The following ZFYVE16 variants were observed in gnomAD, a reference collection of about 807,000 sequenced individuals.
ZFYVE16 encodes the protein zinc finger FYVE-type containing 16, also known as zinc finger FYVE domain-containing protein 16.
In ZFYVE16, 89 loss-of-function variants were observed where a neutral mutation model predicts 138.1. The observed-to-expected ratio is 0.64, with a 90% CI of 0.54 to 0.77. ZFYVE16 has a LOEUF of 0.77. ZFYVE16 is among the 30% of genes least tolerant of loss of function. The pLI is 0.00. For synonymous variants in ZFYVE16, 596 were observed against 618.3 expected, an observed-to-expected ratio of 0.96 and a Z score of 0.53; for missense variants, 1,793 against 1,786.7, an observed-to-expected ratio of 1.00 and a Z score of -0.06.
In ZFYVE16 at chr5:80,478,162, A is replaced by G. The variant is rs577748459; in HGVS notation, c.*785A>G. On this transcript the variant is annotated 3_prime_UTR_variant, in exon 19 of 19. Transcript: ENST00000505560. ...AGGTAATATTTTTGTATCACAATGCATTATTTTTTTCCTCCTTTCCTTCCA... is the reference window on the plus strand; with the variant it reads ...AGGTAATATTTTTGTATCACAATGCGTTATTTTTTTCCTCCTTTCCTTCCA... The G allele has an allele frequency of 7.2e-5, 11 of 152,108 alleles. No homozygotes were observed. In the South Asian group the frequency reaches 2.3e-3, roughly 32 times the overall value. 9.4% of individuals were successfully genotyped at this position (152,108 alleles called of 1,614,324 possible).
intron 1 of ZFYVE16, among the ~76,000 whole-genome samples, chr5:80,408,481 G>A (rs1049214829): frequency 6.6e-6 from 1 of 150,402 alleles, no homozygotes; most frequent in East Asian, 1.9e-4. Flanking sequence ...CCCAGCGGAC[G>A]GAGGGAGAAG....
chr5:80,442,737 T>C (rs1010252075), intron 5 of ZFYVE16, among the ~76,000 whole-genome samples: 8 of 152,148 alleles, frequency 5.3e-5, no homozygotes, highest in African/African-American at 1.9e-4. Flanking sequence ...TAGGTAGCCA[T>C]TAAAGGATTT....
At chr5:80,443,395 G>A (rs1303018268) in intron 6 of ZFYVE16, 111 bp downstream of exon 6, 6 of 1,254,042 alleles carry the variant, frequency 4.8e-6, no homozygotes, top group Non-Finnish European at 4.4e-6. Flanking sequence ...TATCAAGAGA[G>A]ATTTAATACA....
chr5:80,440,814 A>C (rs1750629160), intron 5 of ZFYVE16: 2 of 985,076 alleles, frequency 2.0e-6, no homozygotes, highest in African/African-American at 3.5e-5. Context: ...TTTTTTGACC[A>C]GACCTGTGCA....
chr5:80,458,209 C>T (rs1403214068), intron 14 of ZFYVE16, among the ~76,000 whole-genome samples: 2 of 151,794 alleles, frequency 1.3e-5, no homozygotes, highest in Non-Finnish European at 2.9e-5. Context: ...GGCATTTTTG[C>T]CACTAAAATT....
Position 80,438,752 on chromosome 5 carries a change from T to C in ZFYVE16, c.2067T>C (p.Cys689=). Reference sequence around the variant, plus strand: ...CAGATACCGTTGTTCCAATCACTTGTGCTATAGATTCTACAGCTGATCCAC... The same window carrying C: ...CAGATACCGTTGTTCCAATCACTTGCGCTATAGATTCTACAGCTGATCCAC... ...STADTVVPIT[C]AIDSTADPQV... Residue 689 remains cysteine, a synonymous_variant, in exon 4 of 19, where the codon TGT becomes TGC. Coordinates refer to ENST00000505560, the MANE Select transcript of ZFYVE16 (RefSeq NM_001284236.3). The C allele has an allele frequency of 6.2e-7, 1 of 1,614,144 alleles. No individual in the cohort carries two copies. Among genetic ancestry groups the C allele is most frequent in the Non-Finnish European group, 8.5e-7 (1 of 1,179,982 alleles).
intron 14 of ZFYVE16, 150 bp downstream of exon 14, chr5:80,457,242 T>TA: frequency 8.3e-7 from 1 of 1,205,286 alleles, no homozygotes; most frequent in South Asian, 1.6e-5. Context: ...CAACAGATTT[T>TA]AAAATTGCTT....
intron 12 of ZFYVE16, chr5:80,456,024 C>G: frequency 2.4e-6 from 1 of 414,628 alleles, no homozygotes; most frequent in Non-Finnish European, 4.3e-6. Context: ...TCCTGCAGTT[C>G]TTGGATATTT....
chr5:80,464,413 A>C (rs1753464864), intron 15 of ZFYVE16, among the ~76,000 whole-genome samples: 1 of 152,124 alleles, frequency 6.6e-6, no homozygotes, highest in African/African-American at 2.4e-5. Context: ...CATTATCAGA[A>C]GAACAGCATG....
chr5:80,436,486 GAA>G (rs34594597), intron 3 of ZFYVE16, among the ~76,000 whole-genome samples: 1 of 151,458 alleles, frequency 6.6e-6, no homozygotes, highest in African/African-American at 2.4e-5. Context: ...GTGTAAGTCA[GAA>G]AAAAAAGAGA....
At position 80,438,368 on chromosome 5, in the gene ZFYVE16, G is replaced by A. The variant is rs1328036773; in HGVS notation, c.1683G>A (p.Met561Ile). The change falls in exon 4 of 19, where the codon ATG becomes ATA. Residue 561 changes from methionine to isoleucine, a missense_variant. Met to Ile is a conservative substitution (Grantham distance 10). Coordinates refer to ENST00000505560, the MANE Select transcript of ZFYVE16 (RefSeq NM_001284236.3). ...EENVNDSKSQ[M>I]NQIDMKGLDD... ...ATGTAAATGACTCTAAATCGCAAAT[G>A]AATCAGATAGATATGAAAGGCTTAG... 2.5e-6 allele frequency: 4 copies of A among 1,613,592 alleles called. No individual in the cohort carries two copies. In the South Asian group the frequency reaches 4.4e-5, roughly 18 times the overall value.
In ZFYVE16 at chr5:80,464,469, C is replaced by G. The variant is rs187011157; in HGVS notation, c.4024+4975C>G. Among the ~76,000 whole-genome samples, 931 of 152,226 alleles carry G rather than the reference C, an allele frequency of 6.1e-3. 10 individuals are homozygous for G. Among genetic ancestry groups the G allele is most frequent in the African/African-American group, 0.021 (859 of 41,514 alleles). On this transcript the variant is annotated intron_variant, in intron 15 of 18. Coordinates refer to ENST00000505560, the MANE Select transcript of ZFYVE16 (RefSeq NM_001284236.3). ...TTCAGTTACTTCCACCTGGTCTCTC[C>G]CTTGACACGTGAGGATTATGGGGAT...
rs927692479 is a variant in ZFYVE16 at position 80,408,167 on chromosome 5, G to T, written c.-94+14G>T. On this transcript the variant is annotated intron_variant, in intron 1 of 18. Coordinates refer to ENST00000505560, the MANE Select transcript of ZFYVE16 (RefSeq NM_001284236.3). ...GGCTGTAGGGAGGTAAGAGCCCCCC[G>T]TGACCGGTCGTCTCGGCCTCCCCTC... 3 of 152,312 alleles carry T rather than the reference G, an allele frequency of 2.0e-5. No individual in the cohort carries two copies. The highest frequency in any genetic ancestry group is 2.4e-5 in the African/African-American group (1 of 41,462). 9.4% of individuals were successfully genotyped at this position (152,312 alleles called of 1,614,324 possible).
intron 11 of ZFYVE16, chr5:80,451,949 T>A: frequency 4.7e-6 from 2 of 423,414 alleles, no homozygotes; most frequent in South Asian, 7.1e-5. Context: ...CTTCTTAAAT[T>A]TCAGAACAAA....
rs1434426463 is a variant in ZFYVE16 at position 80,438,151 on chromosome 5, T to A, written c.1466T>A (p.Val489Asp). 6.2e-7 allele frequency: 1 copy of A among 1,614,020 alleles called. No homozygotes were observed. Among genetic ancestry groups the A allele is most frequent in the Non-Finnish European group, 8.5e-7 (1 of 1,179,960 alleles). ...CAAGAGGGGCTTTCTGGCACTCATG[T>A]CCCAGAGTCTTCTGATTGTTGTGAA... ...ESQEGLSGTHVPESSDCCEGF... is the reference protein window; with the variant it reads ...ESQEGLSGTHDPESSDCCEGF... The change falls in exon 4 of 19, where the codon GTC becomes GAC. Residue 489 changes from valine (V) to aspartate (D), a missense_variant. This residue lies in a region of ZFYVE16 where 1,295 missense variants were observed against 1,204.3 expected (regional missense o/e 1.08). Transcript: ENST00000505560.
chr5:80,417,664 A>G (rs1054505177), intron 1 of ZFYVE16, among the ~76,000 whole-genome samples: 2 of 152,154 alleles, frequency 1.3e-5, no homozygotes, highest in African/African-American at 4.8e-5. Context: ...CTTTCTTTAT[A>G]TCACTGAATA....
intron 1 of ZFYVE16, among the ~76,000 whole-genome samples, chr5:80,418,999 T>C (rs1012554684): frequency 9.2e-5 from 14 of 152,130 alleles, no homozygotes; most frequent in African/African-American, 3.4e-4. Flanking sequence ...TTTCAGCACC[T>C]GTTATTGAAA....
chr5:80,414,691 T>C lies in ZFYVE16; in HGVS notation c.-94+6538T>C, dbSNP rs182624493. Reference sequence around the variant, plus strand: ...TAGGTGAACAAAAATACAAGATTCATGTCCTTATAGAGCTTAAATTCAGGG... The same window carrying C: ...TAGGTGAACAAAAATACAAGATTCACGTCCTTATAGAGCTTAAATTCAGGG... On this transcript the variant is annotated intron_variant, in intron 1 of 18. Coordinates refer to ENST00000505560, the MANE Select transcript of ZFYVE16 (RefSeq NM_001284236.3). 6.0e-3 allele frequency among the ~76,000 whole-genome samples: 921 copies of C among 152,344 alleles called. 4 individuals are homozygous for C. The highest frequency in any genetic ancestry group is 9.8e-3 in the Non-Finnish European group (666 of 68,028).
chr5:80,416,971 C>T (rs1038474808), intron 1 of ZFYVE16, among the ~76,000 whole-genome samples: 3 of 152,100 alleles, frequency 2.0e-5, no homozygotes, highest in African/African-American at 4.8e-5. Flanking sequence ...GTGTGACCAT[C>T]GGTATCCATA....
Sources: gnomAD v4.1 joint callset for allele counts (sites outside exome capture counted in the v4.1 genomes callset) on GRCh38, gnomAD v4.1.1 for gene constraint, gnomAD v4.1.1 regional missense constraint, MANE v1.5 for transcripts, NCBI Gene and HGNC (gene_info 2026-07-23, HGNC 2026-07-21) for gene names.